The following PCNT variants were observed in gnomAD, a reference collection of about 807,000 sequenced individuals.
PCNT encodes the protein pericentrin.
PCNT carries 319 observed loss-of-function variants against 380.4 expected under a neutral mutation model. That is an observed-to-expected ratio of 0.84 (90% CI 0.77 to 0.92). The LOEUF is 0.92. PCNT is among the 40% of genes least tolerant of loss of function. The pLI is 0.00. For missense variants in PCNT, 4,400 were observed against 4,255.3 expected (o/e 1.03, Z -0.95); for synonymous variants, 1,845 against 1,735.2 (o/e 1.06, Z -1.57).
At chr21:46,338,604 CTT>C (rs35172694) in intron 3 of PCNT, among the ~76,000 whole-genome samples, 2,209 of 115,856 alleles carry the variant, frequency 0.019, 41 homozygotes, top group African/African-American at 0.057. Context: ...ATGAATGTGT[CTT>C]TTTTTTTTTT....
chr21:46,445,347 T>C lies in PCNT; in HGVS notation c.*20T>C, dbSNP rs751068952. On this transcript the variant is annotated 3_prime_UTR_variant, in exon 47 of 47. Transcript: ENST00000359568. ...CAGTGAATAAAATGTCATGGCTCTT[T>C]CCTGCGACAATTCTATTTGAGGAAA... The C allele has an allele frequency of 2.5e-6, 4 of 1,579,366 alleles. No homozygotes were observed. Among genetic ancestry groups the C allele is most frequent in the Non-Finnish European group, 2.6e-6 (3 of 1,148,100 alleles).
intron 15 of PCNT, among the ~76,000 whole-genome samples, chr21:46,372,248 C>T (rs575727908): frequency 6.6e-6 from 1 of 151,980 alleles, no homozygotes; most frequent in South Asian, 2.1e-4. Flanking sequence ...CATGCACATA[C>T]ACAGCACATG....
intron 29 of PCNT, among the ~76,000 whole-genome samples, chr21:46,413,262 CCTG>C (rs1310163416): frequency 1.3e-4 from 16 of 122,736 alleles, no homozygotes; most frequent in African/African-American, 5.7e-4. Context: ...GTGAGGCCCC[CCTG>C]GGAGAGGCTG....
intron 27 of PCNT, among the ~76,000 whole-genome samples, chr21:46,406,747 C>G (rs531386948): frequency 2.6e-5 from 4 of 152,314 alleles, no homozygotes; most frequent in Admixed American, 6.5e-5. Context: ...GCCTTTTTAT[C>G]AGATCAAGGA....
chr21:46,440,694 G>GT (rs1271657180), intron 42 of PCNT, among the ~76,000 whole-genome samples, 161 bp from the exon 43 acceptor site: 2 of 148,296 alleles, frequency 1.3e-5, no homozygotes, highest in Non-Finnish European at 3.0e-5. Flanking sequence ...CAGCAAGGTT[G>GT]TTTCTGGCCA....
At chr21:46,444,045 C>A in intron 45 of PCNT, 97 bp downstream of exon 45, 2 of 1,341,394 alleles carry the variant, frequency 1.5e-6, no homozygotes, top group South Asian at 1.3e-5. Flanking sequence ...TGGCTTTGGC[C>A]CAGCCCAGGG....
At chr21:46,379,279 A>G (rs2085433282) in intron 15 of PCNT, among the ~76,000 whole-genome samples, 1 of 151,430 alleles carries the variant, frequency 6.6e-6, no homozygotes, top group African/African-American at 2.4e-5. Flanking sequence ...GCGTGTCGTG[A>G]GCCGCGCCCG....
At chr21:46,381,542 T>G in intron 15 of PCNT, 152 bp from the exon 16 acceptor site, 1 of 714,036 alleles carries the variant, frequency 1.4e-6, no homozygotes, top group Non-Finnish European at 2.4e-6. Context: ...ACCCATGTTT[T>G]CTTTGATGGG....
rs2084798215 is a variant in PCNT at position 46,363,704 on chromosome 21, A to G, written c.2379A>G (p.Glu793=). The part of the protein sequence containing the change: ...QTIINKFELR[E]AEMRQLQDQQ... ...TCATAAACAAGTTTGAGCTTCGAGA[A>G]GCTGAAATGAGGCAGCTTCAGGACC... The change falls in exon 14 of 47, where the codon GAA becomes GAG. Residue 793 remains glutamate, a synonymous_variant. Transcript: ENST00000359568. The G allele has an allele frequency of 6.2e-7, 1 of 1,614,134 alleles. No homozygotes were observed. Among genetic ancestry groups the G allele is most frequent in the South Asian group, 1.1e-5 (1 of 91,092 alleles).
intron 15 of PCNT, among the ~76,000 whole-genome samples, chr21:46,376,071 T>C (rs2085324999): frequency 6.6e-6 from 1 of 152,012 alleles, no homozygotes; most frequent in Non-Finnish European, 1.5e-5. Flanking sequence ...TGGGGTTCTC[T>C]GTGGAGCCTG....
In PCNT at chr21:46,402,454, G is replaced by C; in HGVS notation, c.5086G>C (p.Glu1696Gln). 2 of 1,614,068 alleles carry C rather than the reference G, an allele frequency of 1.2e-6. No homozygotes were observed. Among genetic ancestry groups the C allele is most frequent in the Non-Finnish European group, 1.7e-6 (2 of 1,179,962 alleles). The change falls in exon 27 of 47, where the codon GAA (glutamate) becomes CAA (glutamine). Residue 1696 changes from glutamate (E) to glutamine (Q), a missense_variant. Transcript: ENST00000359568. ...CAGCCAGACTGCTGTCAGCCTCAGA[G>C]AACTTGAGGAAGAGAACACGAGCTT... is the stretch of plus-strand genomic sequence containing the variant. ...QNSQTAVSLR[E>Q]LEEENTSLKV... is the part of the protein sequence containing the mutation.
chr21:46,403,751 CGCGG>C (rs986092364), intron 27 of PCNT, among the ~76,000 whole-genome samples: 1 of 142,118 alleles, frequency 7.0e-6, no homozygotes, highest in Non-Finnish European at 1.5e-5. Flanking sequence ...TTGGTGCCCA[CGCGG>C]CGCGTGCTCG....
At chr21:46,334,795 G>T (rs749609669) in intron 3 of PCNT, 27 bp downstream of exon 3, 1 of 1,614,092 alleles carries the variant, frequency 6.2e-7, no homozygotes, top group Non-Finnish European at 8.5e-7. Flanking sequence ...CTGTTAAGGT[G>T]TATTCTTTGT....
At chr21:46,412,758 C>G in intron 28 of PCNT, 79 bp from the exon 29 acceptor site, 2 of 1,509,188 alleles carry the variant, frequency 1.3e-6, no homozygotes, top group Middle Eastern at 1.7e-4. Context: ...CGTACTGGTT[C>G]CCAGCTCCAG....
At chr21:46,429,864 G>A (rs908978631) in intron 35 of PCNT, 146 bp from the exon 36 acceptor site, 7 of 663,844 alleles carry the variant, frequency 1.1e-5, no homozygotes, top group Admixed American at 4.9e-5. Context: ...GGTTCCACCC[G>A]CAGTGAAAGC....
chr21:46,380,030 G>C (rs976393660), intron 15 of PCNT, among the ~76,000 whole-genome samples: 3 of 151,270 alleles, frequency 2.0e-5, no homozygotes, highest in African/African-American at 7.3e-5. Context: ...ATTCTCAAGT[G>C]TTTTCTTTTG....
chr21:46,411,889 G>T lies in PCNT; in HGVS notation c.5816G>T (p.Arg1939Leu), dbSNP rs1200151472. ...LSRQLQVLHQ[R>L]FLRCQVELDR... The stretch of plus-strand genomic sequence containing the variant: ...CGCCAGCTGCAGGTGCTGCACCAGC[G>T]GTTCCTGAGGTGCCAGGTGGAGCTG... The change falls in exon 28 of 47, where the codon CGG becomes CTG. Residue 1939 changes from arginine to leucine, a missense_variant. Physicochemically the swap from Arg to Leu is moderately radical, Grantham distance 102. Transcript: ENST00000359568. The T allele has an allele frequency of 1.3e-6, 2 of 1,576,762 alleles. No homozygotes were observed. Among genetic ancestry groups the T allele is most frequent in the East Asian group, 2.3e-5 (1 of 43,572 alleles).
chr21:46,367,165 C>G (rs1437362583), intron 15 of PCNT, 26 bp downstream of exon 15: 1 of 1,596,098 alleles, frequency 6.3e-7, no homozygotes, highest in African/African-American at 1.3e-5. Context: ...CCTGCCCCAG[C>G]CCAGGGCAGG....
chr21:46,324,386 A>G, intron 1 of PCNT, 104 bp downstream of exon 1: 4 of 1,022,828 alleles, frequency 3.9e-6, no homozygotes, highest in Non-Finnish European at 4.5e-6. Flanking sequence ...GGTCCGGCGG[A>G]AGCCGCCGCG....
Sources: allele counts gnomAD v4.1 joint callset (sites outside exome capture counted in the v4.1 genomes callset), GRCh38; gene constraint gnomAD v4.1.1; transcripts MANE v1.5; gene names NCBI Gene and HGNC (gene_info 2026-07-23, HGNC 2026-07-21).